Variants in KCNQ1 observed in about 807,000 individuals in gnomAD.
The protein encoded by KCNQ1 is potassium voltage-gated channel subfamily KQT member 1.
Under a neutral mutation model 72.4 loss-of-function variants are expected in KCNQ1, and 49 were observed. The ratio of observed to expected loss-of-function variants is 0.68; its 90% CI spans 0.54 to 0.86. The LOEUF (loss-of-function observed/expected upper bound fraction) is 0.86. Ranked by LOEUF, KCNQ1 falls within the 40% of genes least tolerant of loss-of-function variation. The probability of loss-of-function intolerance (pLI) is 0.00; values close to 1 mark genes in which losing one functional copy is unlikely to be tolerated. For missense variants in KCNQ1, 790 were observed against 945.1 expected (o/e 0.84, Z 2.15); for synonymous variants, 450 against 412.6 (o/e 1.09, Z -1.10).
chr11:2,502,579 A>G (rs1254923717), intron 1 of KCNQ1, among the ~76,000 whole-genome samples: 1 of 152,236 alleles, frequency 6.6e-6, no homozygotes, highest in Non-Finnish European at 1.5e-5. Context: ...ATGGACTGGA[A>G]GAATCAATAT....
chr11:2,615,381 A>G (rs550543427), intron 10 of KCNQ1: 2 of 398,020 alleles, frequency 5.0e-6, no homozygotes, highest in African/African-American at 2.1e-5. Context: ...GATGCTATTC[A>G]TTTACCTGTT....
At chr11:2,615,910 T>G in intron 10 of KCNQ1, 2 of 398,170 alleles carry the variant, frequency 5.0e-6, no homozygotes. Flanking sequence ...TCTCCTCTGT[T>G]TTTTGGAAGA....
chr11:2,691,450 T>G lies in KCNQ1; in HGVS notation c.1514+29369T>G, dbSNP rs557370292. 1.5e-5 allele frequency: 6 copies of G among 398,638 alleles called. No homozygotes were observed. In the South Asian group the frequency reaches 7.6e-4, roughly 51 times the overall value. The allele number at this position is 398,638 out of a possible 1,614,324, so 24.7% of individuals were successfully genotyped here. A position where few individuals can be genotyped will look rare whatever the true frequency, so the allele number is the denominator to read the frequency against. On this transcript the variant is annotated intron_variant, in intron 11 of 15. Transcript: ENST00000155840. This position sits in a 1 kb window ranked among gnomAD's most constrained non-coding sequence, Gnocchi z 6.4. ...TGAAGCTCCCTGCCCCCACTGAGTCTCTGATGTTGACAGCCTCTTTGTTTT... is the reference window on the plus strand; with the variant it reads ...TGAAGCTCCCTGCCCCCACTGAGTCGCTGATGTTGACAGCCTCTTTGTTTT...
chr11:2,609,742 T>G, intron 10 of KCNQ1: 1 of 398,348 alleles, frequency 2.5e-6, no homozygotes, highest in Non-Finnish European at 4.4e-6. Flanking sequence ...TTGTATCTTC[T>G]CATGAATTGA....
chr11:2,583,651 G>C, intron 7 of KCNQ1, 106 bp downstream of exon 7: 3 of 819,040 alleles, frequency 3.7e-6, no homozygotes, highest in Non-Finnish European at 4.3e-6. Context: ...TCAGAACCAA[G>C]AGGGTGCTTC....
chr11:2,506,635 G>T (rs1167693965), intron 1 of KCNQ1, among the ~76,000 whole-genome samples: 1 of 152,162 alleles, frequency 6.6e-6, no homozygotes, highest in African/African-American at 2.4e-5. Flanking sequence ...TGGGAGTGTT[G>T]GGCTGAAAGA....
In KCNQ1 at chr11:2,703,980, G is replaced by T. The variant is rs1413217308; in HGVS notation, c.1514+41899G>T. On this transcript the variant is annotated intron_variant, in intron 11 of 15. Coordinates refer to ENST00000155840, the MANE Select transcript of KCNQ1 (RefSeq NM_000218.3). The surrounding 1 kb of genome is among the most constrained non-coding windows in gnomAD (Gnocchi z 6.4). ...CAGGAGTGGACAGGAACGTGGGGGAGTGGGGGTGGTTAGGACCTCAGGGTT... is the reference window on the plus strand; with the variant it reads ...CAGGAGTGGACAGGAACGTGGGGGATTGGGGGTGGTTAGGACCTCAGGGTT... 6.6e-6 allele frequency among the ~76,000 whole-genome samples: 1 copy of T among 152,260 alleles called. No homozygotes were observed. The highest frequency in any genetic ancestry group is 1.5e-5 in the Non-Finnish European group (1 of 68,048).
rs980581457 is a variant in KCNQ1, at chr11:2,484,335, T to A, written c.386+38851T>A. Among the ~76,000 whole-genome samples, 15 of 152,090 alleles carry A rather than the reference T, an allele frequency of 9.9e-5. No homozygotes were observed. The highest frequency in any genetic ancestry group is 3.4e-4 in the African/African-American group (14 of 41,394). On this transcript the variant is annotated intron_variant, in intron 1 of 15. Coordinates refer to ENST00000155840, the MANE Select transcript of KCNQ1 (RefSeq NM_000218.3). The surrounding 1 kb of genome is among the most constrained non-coding windows in gnomAD (Gnocchi z 5.2). ...CGTACCACCACGCCCAACTAATATT[T>A]TGTATTTTTAGTGGAGACGGGGTTT...
rs1435657767 is a variant in KCNQ1 at position 2,613,235 on chromosome 11, G to A, written c.1393+24381G>A. On this transcript the variant is annotated intron_variant, in intron 10 of 15. Coordinates refer to ENST00000155840, the MANE Select transcript of KCNQ1 (RefSeq NM_000218.3). The surrounding 1 kb of genome is among the most constrained non-coding windows in gnomAD (Gnocchi z 4.8). Reference sequence around the variant, plus strand: ...CTGCTTGCAAAAGGTCTCACAGTCAGCCAAGGATAAGTAGATAGCAGGAAA... The same window carrying A: ...CTGCTTGCAAAAGGTCTCACAGTCAACCAAGGATAAGTAGATAGCAGGAAA... 4 of 398,406 alleles carry A rather than the reference G, an allele frequency of 1.0e-5. No homozygotes were observed. The highest frequency in any genetic ancestry group is 8.8e-5 in the Admixed American group (2 of 22,700). 24.7% of individuals were successfully genotyped at this position (398,406 alleles called of 1,614,324 possible).
intron 2 of KCNQ1, 132 bp from the exon 3 acceptor site, chr11:2,570,496 G>A (rs1848313338): frequency 1.6e-6 from 2 of 1,234,408 alleles, no homozygotes; most frequent in Admixed American, 3.9e-5. Flanking sequence ...AGCAGGCCAG[G>A]ACCCGGGCCT....
At chr11:2,776,919 C>A in intron 13 of KCNQ1, 67 bp from the exon 14 acceptor site, 1 of 1,494,146 alleles carries the variant, frequency 6.7e-7, no homozygotes, top group Non-Finnish European at 9.3e-7. Flanking sequence ...GTCTGTCCCA[C>A]AGACGACAGT....
chr11:2,631,770 C>T (rs1849356403), intron 10 of KCNQ1: 1 of 398,590 alleles, frequency 2.5e-6, no homozygotes, highest in Non-Finnish European at 4.4e-6. Flanking sequence ...CAGCTGAGGT[C>T]AGCAGTGGCA....
In KCNQ1 at chr11:2,611,123, T is replaced by C. The variant is rs1427591134; in HGVS notation, c.1393+22269T>C. 1 of 398,464 alleles carries C rather than the reference T, an allele frequency of 2.5e-6. No individual in the cohort carries two copies. Among genetic ancestry groups the C allele is most frequent in the African/African-American group, 2.1e-5 (1 of 48,638 alleles). The allele number at this position is 398,464 out of a possible 1,614,324, so 24.7% of individuals were successfully genotyped here. ...ATGACTTCTGTTTATGATTTCTATT[T>C]CTTCCTGTTAAATTTTCCCTTTTGT... On this transcript the variant is annotated intron_variant, in intron 10 of 15. Coordinates refer to ENST00000155840, the MANE Select transcript of KCNQ1 (RefSeq NM_000218.3). The surrounding 1 kb of genome is among the most constrained non-coding windows in gnomAD (Gnocchi z 5.3).
chr11:2,527,837 G>A (rs755193419), intron 1 of KCNQ1, 91 bp from the exon 2 acceptor site: 69 of 1,062,876 alleles, frequency 6.5e-5, no homozygotes, highest in Middle Eastern at 2.0e-4. Context: ...ACCTGGGGGC[G>A]GGGCTGAGGC....
At position 2,479,617 on chromosome 11, in the gene KCNQ1, C is replaced by G. The variant is rs563005400; in HGVS notation, c.386+34133C>G. Among the ~76,000 whole-genome samples the G allele has an allele frequency of 2.0e-5, 3 of 152,326 alleles. No individual in the cohort carries two copies. The East Asian group carries it at 5.8e-4, about 29-fold the overall frequency. ...AGGCCCTGGGCCCAGTCCAGGAAAC[C>G]ATTTTTGCCTCCTAGGCCTCTGGGC... On this transcript the variant is annotated intron_variant, in intron 1 of 15. Coordinates refer to ENST00000155840, the MANE Select transcript of KCNQ1 (RefSeq NM_000218.3). The surrounding 1 kb of genome is among the most constrained non-coding windows in gnomAD (Gnocchi z 4.6).
chr11:2,568,705 G>T (rs978637217), intron 2 of KCNQ1, among the ~76,000 whole-genome samples: 1 of 152,124 alleles, frequency 6.6e-6, no homozygotes, highest in Non-Finnish European at 1.5e-5. Flanking sequence ...CTGTTCTGGG[G>T]CCTGGGAAAT....
In KCNQ1 at chr11:2,837,393, C is replaced by T. The variant is rs148549742; in HGVS notation, c.1795-10374C>T. On this transcript the variant is annotated intron_variant, in intron 15 of 15. Coordinates refer to ENST00000155840, the MANE Select transcript of KCNQ1 (RefSeq NM_000218.3). ...CTGGGGCCCAGGAGAGCCCGCTCCG[C>T]GCTCACAGCCTCCGTTCCCAGACAC... is the stretch of plus-strand genomic sequence containing the variant. 4.3e-3 allele frequency among the ~76,000 whole-genome samples: 658 copies of T among 152,258 alleles called. 5 individuals carry two copies. Among genetic ancestry groups the T allele is most frequent in the African/African-American group, 0.015 (610 of 41,552 alleles).
Position 2,669,358 on chromosome 11 carries a change from G to T in KCNQ1, c.1514+7277G>T. ...CAGCAGCCTCTAGATGGGCATGGGA[G>T]AATGGGTATCCTTATAGTTTTGGGG... On this transcript the variant is annotated intron_variant, in intron 11 of 15. Transcript: ENST00000155840. This position sits in a 1 kb window ranked among gnomAD's most constrained non-coding sequence, Gnocchi z 5.6. 1 of 398,674 alleles carries T rather than the reference G, an allele frequency of 2.5e-6. No individual in the cohort carries two copies. The highest frequency in any genetic ancestry group is 2.1e-5 in the African/African-American group (1 of 48,768). 24.7% of individuals were successfully genotyped at this position (398,674 alleles called of 1,614,324 possible). A position where few individuals can be genotyped will look rare whatever the true frequency, so the allele number is the denominator to read the frequency against.
At chr11:2,540,538 G>A (rs1264740807) in intron 2 of KCNQ1, among the ~76,000 whole-genome samples, 5 of 152,210 alleles carry the variant, frequency 3.3e-5, no homozygotes, top group Admixed American at 1.3e-4. Context: ...GGCCAGGGGC[G>A]GCCAGCAGCC....
Sources: gnomAD v4.1 joint callset for allele counts (sites outside exome capture counted in the v4.1 genomes callset) on GRCh38, gnomAD v4.1.1 for gene constraint, Gnocchi (gnomAD v3.1) non-coding constraint, MANE v1.5 for transcripts, NCBI Gene and HGNC (gene_info 2026-07-23, HGNC 2026-07-21) for gene names.